Variants in KCNMA1 observed in about 807,000 individuals in gnomAD.
KCNMA1 encodes the protein Calcium-activated potassium channel subunit alpha-1.
In KCNMA1, 29 loss-of-function variants were observed where a neutral mutation model predicts 140.0. The observed-to-expected ratio is 0.21, with a 90% confidence interval of 0.15 to 0.28. The LOEUF (loss-of-function observed/expected upper bound fraction) is 0.28, where lower values mean the gene tolerates loss of function less well. Among genes scored for constraint, KCNMA1 ranks in the 10% least tolerant of loss-of-function variants. The pLI, the probability that KCNMA1 is intolerant of heterozygous loss-of-function variation, is 1.00. For synonymous variants in KCNMA1, 612 were observed against 611.9 expected (o/e 1.00, Z 0.00); for missense variants, 880 against 1,602.2 (o/e 0.55, Z 7.70).
intron 1 of KCNMA1, among the ~76,000 whole-genome samples, chr10:77,420,396 G>A (rs1464601683): frequency 6.6e-6 from 1 of 152,322 alleles, no homozygotes; most frequent in East Asian, 1.9e-4. Flanking sequence ...TTGTTTAAGA[G>A]AAAGCCTAAA....
intron 9 of KCNMA1, among the ~76,000 whole-genome samples, chr10:77,104,157 A>G (rs2097154923): frequency 6.6e-6 from 1 of 152,186 alleles, no homozygotes; most frequent in Non-Finnish European, 1.5e-5. Context: ...CACAGGATCA[A>G]TGTGAGGATT....
intron 7 of KCNMA1, among the ~76,000 whole-genome samples, chr10:77,111,874 CAA>C (rs985725515): frequency 4.9e-4 from 75 of 152,228 alleles, no homozygotes; most frequent in African/African-American, 1.7e-3. Flanking sequence ...ACAAGGCTTT[CAA>C]AGAGTCACTA....
At position 77,228,149 on chromosome 10, in the gene KCNMA1, G is replaced by C. The variant is rs1168799054; in HGVS notation, c.602+23046C>G. Among the ~76,000 whole-genome samples, 9 of 152,136 alleles carry C rather than the reference G, an allele frequency of 5.9e-5. No individual in the cohort carries two copies. The South Asian group carries it at 1.7e-3, about 28-fold the overall frequency. On this transcript the variant is annotated intron_variant, in intron 3 of 27. Transcript: ENST00000286628. ...CTGGCTAATTTTTATATTTTTCGTA[G>C]AGACGGGGTTTCACCATGTTGGCCA...
chr10:77,548,594 C>T (rs1263229244), intron 1 of KCNMA1, among the ~76,000 whole-genome samples: 1 of 152,182 alleles, frequency 6.6e-6, no homozygotes, highest in Non-Finnish European at 1.5e-5. Context: ...TCCCTGCTTC[C>T]AACCTACCAG....
At chr10:77,048,519 C>G (rs1594738686) in intron 14 of KCNMA1, among the ~76,000 whole-genome samples, 2 of 152,174 alleles carry the variant, frequency 1.3e-5, no homozygotes, top group Admixed American at 1.3e-4. Flanking sequence ...GTGGTGGCCC[C>G]TACTAGAATG....
chr10:76,903,734 C>T (rs1445441943), intron 25 of KCNMA1: 1 of 152,172 alleles, frequency 6.6e-6, no homozygotes, highest in Non-Finnish European at 1.5e-5. Context: ...AGAACTCAGG[C>T]CTCTCCATAA....
At chr10:76,929,027 C>A (rs1162721066) in intron 23 of KCNMA1, among the ~76,000 whole-genome samples, 3 of 152,122 alleles carry the variant, frequency 2.0e-5, no homozygotes, top group African/African-American at 4.8e-5. Context: ...TGCTTCCTTG[C>A]ATGGTATATA....
chr10:76,986,820 A>G (rs2153275618), intron 19 of KCNMA1, among the ~76,000 whole-genome samples: 1 of 152,322 alleles, frequency 6.6e-6, no homozygotes, highest in South Asian at 2.1e-4. Flanking sequence ...ACCCAATGAC[A>G]TATGGAAGGA....
intron 5 of KCNMA1, among the ~76,000 whole-genome samples, chr10:77,133,791 G>A (rs1180479707): frequency 6.6e-6 from 1 of 152,054 alleles, no homozygotes; most frequent in Non-Finnish European, 1.5e-5. Context: ...AGTAAACTAG[G>A]AACACACATT....
intron 2 of KCNMA1, among the ~76,000 whole-genome samples, chr10:77,261,662 G>T (rs1022643487): frequency 6.6e-6 from 1 of 152,188 alleles, no homozygotes; most frequent in Non-Finnish European, 1.5e-5. Context: ...GCAAGCCGAG[G>T]TTTAATGACA....
At chr10:77,272,367 C>T (rs1207953278) in intron 2 of KCNMA1, among the ~76,000 whole-genome samples, 2 of 152,124 alleles carry the variant, frequency 1.3e-5, no homozygotes, top group Non-Finnish European at 2.9e-5. Context: ...AAAGCACTTT[C>T]CATCTTTCAT....
At chr10:77,435,068 G>T (rs1473099472) in intron 1 of KCNMA1, among the ~76,000 whole-genome samples, 1 of 151,916 alleles carries the variant, frequency 6.6e-6, no homozygotes, top group Non-Finnish European at 1.5e-5. Flanking sequence ...CTGAAAAGCT[G>T]GGACTACAGG....
intron 23 of KCNMA1, among the ~76,000 whole-genome samples, chr10:76,918,893 T>C (rs36143700): frequency 0.06 from 8,996 of 149,164 alleles, 515 homozygotes; most frequent in African/African-American, 0.14. Flanking sequence ...TATATATATA[T>C]ACACACACAC....
exon 28 of KCNMA1, chr10:76,869,617 A>G (rs943504307): frequency 2.0e-5 from 3 of 152,564 alleles, no homozygotes; most frequent in Non-Finnish European, 4.4e-5. Context: ...GAACACAAAT[A>G]CATAAATTTT....
chr10:77,469,983 G>A (rs79762438), intron 1 of KCNMA1, among the ~76,000 whole-genome samples: 2,438 of 152,150 alleles, frequency 0.016, 66 homozygotes, highest in African/African-American at 0.056. Flanking sequence ...TTTTTAATCA[G>A]CTAATAGCAG....
Position 77,289,559 on chromosome 10 carries a change from A to T in KCNMA1, c.541-38303T>A, listed in dbSNP as rs563392522. Among the ~76,000 whole-genome samples, 7 of 152,340 alleles carry T rather than the reference A, an allele frequency of 4.6e-5. No homozygotes were observed. The South Asian group carries it at 1.5e-3, about 32-fold the overall frequency. ...ACTCAAACCCTGCCAAGCTTGTACA[A>T]GAGGAGTAAATAACAAAATGACACA... On this transcript the variant is annotated intron_variant, in intron 2 of 27. Transcript: ENST00000286628.
intron 5 of KCNMA1, among the ~76,000 whole-genome samples, chr10:77,163,337 A>G (rs2098592971): frequency 6.6e-6 from 1 of 152,206 alleles, no homozygotes; most frequent in Non-Finnish European, 1.5e-5. Context: ...CTTTCATGCC[A>G]CAGAGGCAGA....
chr10:77,117,410 G>A (rs935862228), intron 6 of KCNMA1, among the ~76,000 whole-genome samples: 2 of 151,658 alleles, frequency 1.3e-5, no homozygotes, highest in Non-Finnish European at 2.9e-5. Flanking sequence ...GTAGCCAGGT[G>A]TGGTGGCAGG....
intron 1 of KCNMA1, among the ~76,000 whole-genome samples, chr10:77,446,782 C>G (rs1262441824): frequency 1.3e-5 from 2 of 152,220 alleles, no homozygotes; most frequent in African/African-American, 4.8e-5. Flanking sequence ...TGGCCCCTGG[C>G]CATTTCTCAA....
Sources: gnomAD v4.1 joint callset for allele counts (sites outside exome capture counted in the v4.1 genomes callset) on GRCh38, gnomAD v4.1.1 for gene constraint, MANE v1.5 for transcripts, NCBI Gene and HGNC (gene_info 2026-07-23, HGNC 2026-07-21) for gene names.